DST: variants seen among roughly 807,000 people sequenced by gnomAD.
The protein encoded by DST is dystonin, also known as bullous pemphigoid antigen.
DST carries 253 observed loss-of-function variants against 875.2 expected under a neutral mutation model. The observed-to-expected ratio is 0.29, with a 90% confidence interval of 0.26 to 0.32. DST has a LOEUF of 0.32. Among genes scored for constraint, DST ranks in the 10% least tolerant of loss-of-function variants. DST has a pLI of 1.00. For synonymous variants in DST, 3,124 were observed against 3,197.1 expected (o/e 0.98, Z 0.77); for missense variants, 8,287 against 9,111.6 (o/e 0.91, Z 3.68).
At chr6:56,671,471 A>G (rs948459328) in intron 9 of DST, among the ~76,000 whole-genome samples, 1 of 152,234 alleles carries the variant, frequency 6.6e-6, no homozygotes, top group African/African-American at 2.4e-5. Flanking sequence ...TGGCTTGCTC[A>G]ACCTGAAACC....
intron 15 of DST, chr6:56,642,849 T>C: frequency 6.2e-7 from 1 of 1,608,730 alleles, no homozygotes; most frequent in East Asian, 2.2e-5. Context: ...AGGTAGGAGG[T>C]CTGGAAAAAG....
chr6:56,475,285 T>C (rs954107732), intron 92 of DST, among the ~76,000 whole-genome samples: 3 of 152,006 alleles, frequency 2.0e-5, no homozygotes, highest in Admixed American at 6.6e-5. Context: ...AAGTAACACC[T>C]TTCTGGAATA....
Position 56,530,105 on chromosome 6 carries a change from C to T in DST, c.17137G>A (p.Val5713Ile), listed in dbSNP as rs2096869127. 3 of 1,607,436 alleles carry T rather than the reference C, an allele frequency of 1.9e-6. No homozygotes were observed. The highest frequency in any genetic ancestry group is 2.7e-5 in the African/African-American group (2 of 74,616). ...RNRQLEGISV[V>I]AQQFHETLEP... ...AAGGTTTCATGAAATTGCTGTGCTA[C>T]CACCGAGATACCTTCCAACTGACGA... Residue 5713 changes from valine (V) to isoleucine (I), a missense_variant, in exon 65 of 104, where the codon GTA becomes ATA. Coordinates refer to ENST00000680361, the MANE Select transcript of DST (RefSeq NM_001374736.1).
intron 43 of DST, 123 bp from the exon 44 acceptor site, chr6:56,601,799 T>C (rs2098448663): frequency 1.6e-6 from 1 of 622,986 alleles, no homozygotes; most frequent in Admixed American, 3.5e-5. Context: ...TTTATGAATT[T>C]TTTTGCTATT....
chr6:56,661,488 A>T (rs2099041105), intron 10 of DST, among the ~76,000 whole-genome samples: 1 of 152,136 alleles, frequency 6.6e-6, no homozygotes, highest in Non-Finnish European at 1.5e-5. Flanking sequence ...CAGTGGCAGC[A>T]TGCGGGGGGA....
intron 5 of DST, among the ~76,000 whole-genome samples, chr6:56,724,518 T>C (rs921925965): frequency 1.3e-5 from 2 of 152,164 alleles, no homozygotes; most frequent in Non-Finnish European, 2.9e-5. Context: ...AGGCAGGAGG[T>C]TGAAATGCTA....
chr6:56,607,132 C>G lies in DST; in HGVS notation c.7496G>C (p.Ser2499Thr), dbSNP rs1394997254. Residue 2499 changes from serine (S) to threonine (T), a missense_variant, in exon 40 of 104, where the codon AGT becomes ACT. Around this residue, in one of 10 missense-constraint regions of DST, gnomAD observed 3,138 missense variants for 3,116.6 expected, o/e 1.01. Transcript: ENST00000680361. ...QFLGIAAINI[S>T]LPGEQYGQKS... The stretch of plus-strand genomic sequence containing the variant: ...CTGTCCATACTGCTCTCCTGGTAAA[C>G]TGATGTTAATAGCTGCAATTCCCAG... 2 of 1,613,336 alleles carry G rather than the reference C, an allele frequency of 1.2e-6. No homozygotes were observed. Among genetic ancestry groups the G allele is most frequent in the South Asian group, 2.2e-5 (2 of 91,076 alleles).
chr6:56,787,083 A>G (rs1488950191), intron 4 of DST, among the ~76,000 whole-genome samples: 1 of 152,220 alleles, frequency 6.6e-6, no homozygotes, highest in African/African-American at 2.4e-5. Flanking sequence ...CCTATGAAGT[A>G]GGTACAATCA....
Position 56,607,963 on chromosome 6 carries a change from T to A in DST, c.6665A>T (p.Tyr2222Phe). The change falls in exon 40 of 104, where the codon TAC becomes TTC. Residue 2222 changes from tyrosine to phenylalanine, a missense_variant. This residue lies in a region of DST where 3,138 missense variants were observed against 3,116.6 expected (regional missense o/e 1.01). Coordinates refer to ENST00000680361, the MANE Select transcript of DST (RefSeq NM_001374736.1). ...DANTGQRLLL[Y>F]DGDLDEAVGM... ...AACAGCCTCATCCAAGTCTCCATCG[T>A]ACAGCAAAAGCCTTTGCCCTGTGTT... 6.2e-7 allele frequency: 1 copy of A among 1,613,682 alleles called. No homozygotes were observed. The highest frequency in any genetic ancestry group is 1.1e-5 in the South Asian group (1 of 91,082).
chr6:56,837,938 T>C (rs937036893), intron 4 of DST, among the ~76,000 whole-genome samples: 9 of 124,128 alleles, frequency 7.3e-5, no homozygotes, highest in Non-Finnish European at 1.7e-4. Flanking sequence ...AAAAAATGAA[T>C]AAGAAGGGGT....
chr6:56,827,731 A>G (rs948888567), intron 4 of DST, among the ~76,000 whole-genome samples: 2 of 152,156 alleles, frequency 1.3e-5, no homozygotes, highest in African/African-American at 4.8e-5. Flanking sequence ...GAGGGAACTG[A>G]GGACACCAGG....
intron 4 of DST, among the ~76,000 whole-genome samples, chr6:56,790,671 G>A (rs1590444162): frequency 6.6e-6 from 1 of 152,154 alleles, no homozygotes; most frequent in Admixed American, 6.5e-5. Context: ...CTGGCTGGCA[G>A]CTGGAAATTA....
rs761131329 is a variant in DST, at chr6:56,608,665, C to T, written c.5963G>A (p.Ser1988Asn). The change falls in exon 40 of 104, where the codon AGT becomes AAT. Residue 1988 changes from serine to asparagine, a missense_variant. Coordinates refer to ENST00000680361, the MANE Select transcript of DST (RefSeq NM_001374736.1). ...CAGACCTCCAGAAAGAAGCTGTGCA[C>T]TTAACAACCTAAACATGGTTTCACG... ...IDRETMFRLL[S>N]AQLLSGGLIN... 3.7e-6 allele frequency: 6 copies of T among 1,613,048 alleles called. No homozygotes were observed. Among genetic ancestry groups the T allele is most frequent in the East Asian group, 4.5e-5 (2 of 44,836 alleles).
At chr6:56,819,901 T>C (rs1392790556) in intron 4 of DST, among the ~76,000 whole-genome samples, 1 of 152,252 alleles carries the variant, frequency 6.6e-6, no homozygotes, top group Non-Finnish European at 1.5e-5. Flanking sequence ...AGCATTCATA[T>C]ATTAAGGATA....
intron 2 of DST, among the ~76,000 whole-genome samples, chr6:56,920,869 C>G (rs1192564950): frequency 6.9e-6 from 1 of 144,398 alleles, no homozygotes; most frequent in African/African-American, 2.5e-5. Flanking sequence ...GCTGTGACCA[C>G]AGGAACACAC....
chr6:56,470,623 C>T (rs2094838462), intron 95 of DST, among the ~76,000 whole-genome samples: 1 of 151,834 alleles, frequency 6.6e-6, no homozygotes, highest in South Asian at 2.1e-4. Flanking sequence ...AGGGAAATCA[C>T]ATACAAATGA....
rs758868805 is a variant in DST at position 56,605,861 on chromosome 6, G to A, written c.8767C>T (p.Pro2923Ser). ...HEMVLKDVLP[P>S]IIKDTESEKT... The stretch of plus-strand genomic sequence containing the variant: ...TCAGATTCAGTGTCTTTAATGATAG[G>A]CGGCAATACATCCTTAAGTACCATC... The change falls in exon 40 of 104, where the codon CCT becomes TCT. Residue 2923 changes from proline to serine, a missense_variant. Physicochemically the swap from Pro to Ser is moderately conservative, Grantham distance 74. Around this residue, in one of 10 missense-constraint regions of DST, gnomAD observed 3,138 missense variants for 3,116.6 expected, o/e 1.01. Coordinates refer to ENST00000680361, the MANE Select transcript of DST (RefSeq NM_001374736.1). 1.9e-6 allele frequency: 3 copies of A among 1,612,408 alleles called. No homozygotes were observed. The East Asian group carries it at 6.7e-5, about 36-fold the overall frequency.
At chr6:56,871,463 G>C (rs1408980534) in intron 3 of DST, 5 of 1,594,630 alleles carry the variant, frequency 3.1e-6, no homozygotes, top group Non-Finnish European at 4.3e-6. Context: ...CTGAATTTTT[G>C]CTGCACATGC....
At chr6:56,699,769 TAA>T in intron 8 of DST, 24 bp from the exon 9 acceptor site, 1 of 1,120,668 alleles carries the variant, frequency 8.9e-7, no homozygotes, top group Non-Finnish European at 1.2e-6. Context: ...GAAGAAGAGA[TAA>T]AACCAACTGT....
Sources: allele counts gnomAD v4.1 joint callset (sites outside exome capture counted in the v4.1 genomes callset), GRCh38; gene constraint gnomAD v4.1.1; regional missense constraint gnomAD v4.1.1; transcripts MANE v1.5; gene names NCBI Gene and HGNC (gene_info 2026-07-23, HGNC 2026-07-21).